NELL2: variants seen among roughly 807,000 people sequenced by gnomAD.
The protein encoded by NELL2 is protein kinase C-binding protein NELL2.
NELL2 carries 41 observed loss-of-function variants against 109.6 expected under a neutral mutation model. The ratio of observed to expected loss-of-function variants is 0.37; its 90% CI spans 0.29 to 0.49. The LOEUF is 0.49. NELL2 is among the 20% of genes least tolerant of loss of function. The pLI is 0.98. For missense variants in NELL2, 900 were observed against 1,008.3 expected (o/e 0.89, Z 1.45); for synonymous variants, 355 against 344.7 (o/e 1.03, Z -0.33).
intron 12 of NELL2, among the ~76,000 whole-genome samples, chr12:44,668,704 CA>C (rs1195984846): frequency 2.6e-5 from 4 of 152,122 alleles, no homozygotes; most frequent in African/African-American, 9.7e-5. Flanking sequence ...AGGCCTACCC[CA>C]CCCACCATCA....
intron 1 of NELL2, among the ~76,000 whole-genome samples, chr12:44,894,080 T>C (rs1406665228): frequency 1.3e-5 from 2 of 152,136 alleles, no homozygotes; most frequent in African/African-American, 4.8e-5. Context: ...TCAATGAAAG[T>C]TTGTATTTAG....
chr12:44,514,456 G>A (rs1265981802), intron 19 of NELL2, among the ~76,000 whole-genome samples: 2 of 151,770 alleles, frequency 1.3e-5, no homozygotes, highest in African/African-American at 4.8e-5. Flanking sequence ...CATTTTGACA[G>A]AGAGAGATAG....
At chr12:44,588,252 C>T (rs1386223783) in intron 15 of NELL2, among the ~76,000 whole-genome samples, 2 of 152,052 alleles carry the variant, frequency 1.3e-5, no homozygotes, top group Non-Finnish European at 2.9e-5. Flanking sequence ...CATAGCACAT[C>T]TGGACACATC....
intron 13 of NELL2, among the ~76,000 whole-genome samples, chr12:44,636,489 T>G (rs546824451): frequency 5.9e-5 from 9 of 152,322 alleles, no homozygotes; most frequent in African/African-American, 2.2e-4. Context: ...GTTTTTAGCA[T>G]AAAGGGGTGT....
chr12:44,575,067 C>A (rs1944024036), intron 15 of NELL2, among the ~76,000 whole-genome samples: 1 of 152,188 alleles, frequency 6.6e-6, no homozygotes, highest in African/African-American at 2.4e-5. Flanking sequence ...TGCCTTTCTT[C>A]CCTTACAGCA....
intron 15 of NELL2, among the ~76,000 whole-genome samples, chr12:44,539,160 CT>C (rs1490313154): frequency 4.6e-5 from 7 of 152,070 alleles, no homozygotes; most frequent in African/African-American, 9.7e-5. Flanking sequence ...TATGCTTTTT[CT>C]TTTTGCCTAA....
At chr12:44,787,922 A>G (rs1166345434) in intron 3 of NELL2, among the ~76,000 whole-genome samples, 1 of 152,172 alleles carries the variant, frequency 6.6e-6, no homozygotes, top group African/African-American at 2.4e-5. Flanking sequence ...AGTTGACACC[A>G]AAAGCACTAT....
chr12:44,864,818 C>T (rs577227072), intron 2 of NELL2, among the ~76,000 whole-genome samples: 6 of 152,270 alleles, frequency 3.9e-5, no homozygotes, highest in African/African-American at 1.4e-4. Flanking sequence ...ACCTGTTAGA[C>T]CATTAAAAAA....
intron 13 of NELL2, among the ~76,000 whole-genome samples, chr12:44,636,494 G>C (rs191413013): frequency 1.3e-5 from 2 of 152,060 alleles, no homozygotes; most frequent in East Asian, 1.9e-4. Flanking sequence ...TAGCATAAAG[G>C]GGTGTTAAAT....
intron 15 of NELL2, among the ~76,000 whole-genome samples, chr12:44,564,609 A>G (rs554621295): frequency 6.6e-6 from 1 of 152,202 alleles, no homozygotes; most frequent in Non-Finnish European, 1.5e-5. Flanking sequence ...ACACACACAC[A>G]TACAAACATG....
Position 44,777,321 on chromosome 12 carries a change from G to A in NELL2, c.607-7C>T, listed in dbSNP as rs758735729. The A allele has an allele frequency of 1.6e-5, 26 of 1,610,082 alleles. No homozygotes were observed. In the South Asian group the frequency reaches 2.3e-4, roughly 14 times the overall value. On this transcript the variant is annotated splice_polypyrimidine_tract_variant and splice_region_variant and intron_variant, in intron 5 of 19. Coordinates refer to ENST00000429094, the MANE Select transcript of NELL2 (RefSeq NM_001145108.2). Reference sequence around the variant, plus strand: ...GGACATCTTGCATTATACCCTGTGTGTGAAAAATAGAAAAAAAAGACATAT... The same window carrying A: ...GGACATCTTGCATTATACCCTGTGTATGAAAAATAGAAAAAAAAGACATAT...
At chr12:44,660,747 C>CT (rs981640509) in intron 13 of NELL2, among the ~76,000 whole-genome samples, 4 of 152,072 alleles carry the variant, frequency 2.6e-5, no homozygotes, top group Admixed American at 6.6e-5. Flanking sequence ...ATCAGAATTC[C>CT]TTTTTTGTTG....
chr12:44,667,298 G>A (rs1426360303), intron 12 of NELL2, among the ~76,000 whole-genome samples: 3 of 152,046 alleles, frequency 2.0e-5, no homozygotes, highest in Non-Finnish European at 4.4e-5. Context: ...TAATTTACTT[G>A]TTTGTGGTGG....
At chr12:44,585,863 A>G (rs139262128) in intron 15 of NELL2, among the ~76,000 whole-genome samples, 1 of 152,082 alleles carries the variant, frequency 6.6e-6, no homozygotes, top group Non-Finnish European at 1.5e-5. Flanking sequence ...GCACAGACCC[A>G]TAACAAAGAA....
intron 2 of NELL2, among the ~76,000 whole-genome samples, chr12:44,829,665 T>C (rs1303346421): frequency 6.6e-6 from 1 of 152,188 alleles, no homozygotes; most frequent in Non-Finnish European, 1.5e-5. Flanking sequence ...CTTCGTATAC[T>C]GACACCAGTC....
At chr12:44,807,210 A>C (rs1339598934) in intron 3 of NELL2, among the ~76,000 whole-genome samples, 2 of 151,884 alleles carry the variant, frequency 1.3e-5, no homozygotes, top group Non-Finnish European at 2.9e-5. Context: ...CAGCAAAGTC[A>C]GAGCCTCTAA....
At chr12:44,509,505 G>A (rs1274610984) in intron 19 of NELL2, among the ~76,000 whole-genome samples, 1 of 152,166 alleles carries the variant, frequency 6.6e-6, no homozygotes, top group Non-Finnish European at 1.5e-5. Flanking sequence ...GGTAATTAGT[G>A]AATGAGGGTA....
intron 9 of NELL2, among the ~76,000 whole-genome samples, chr12:44,756,040 T>C (rs1940875662): frequency 6.6e-6 from 1 of 152,100 alleles, no homozygotes; most frequent in Non-Finnish European, 1.5e-5. Context: ...GCCTCTTCTC[T>C]CCAGTAATTC....
At chr12:44,920,753 T>G (rs1021207494) in intron 1 of NELL2, among the ~76,000 whole-genome samples, 39 of 152,208 alleles carry the variant, frequency 2.6e-4, no homozygotes, top group Non-Finnish European at 4.7e-4. Flanking sequence ...AATTGAAGAT[T>G]AAAGTTTTTA....
Sources: allele counts gnomAD v4.1 joint callset (sites outside exome capture counted in the v4.1 genomes callset), GRCh38; gene constraint gnomAD v4.1.1; transcripts MANE v1.5; gene names NCBI Gene and HGNC (gene_info 2026-07-23, HGNC 2026-07-21).